Variants in GEMIN5 observed in about 807,000 individuals in gnomAD.
GEMIN5 encodes the protein gem nuclear organelle associated protein 5, also known as gem-associated protein 5.
A neutral mutation model predicts 176.9 loss-of-function variants in GEMIN5; 124 were observed. The ratio of observed to expected loss-of-function variants is 0.70; its 90% CI spans 0.61 to 0.81. GEMIN5 has a LOEUF of 0.81. GEMIN5 is among the 40% of genes least tolerant of loss of function. GEMIN5 has a pLI of 0.00. For synonymous variants in GEMIN5, 673 were observed against 665.2 expected (o/e 1.01, Z -0.18); for missense variants, 1,843 against 1,814.6 (o/e 1.02, Z -0.28).
Position 154,937,054 on chromosome 5 carries a change from T to C in GEMIN5, c.298A>G (p.Thr100Ala), listed in dbSNP as rs761432633. ...TGGAGTGCATGTTCTGTCACAACTG[T>C]TTTTGTCTCTACATCCCATATTTTC... The part of the protein sequence containing the change: ...TVKIWDVETK[T>A]VVTEHALHQH... The change falls in exon 2 of 28, where the codon ACA becomes GCA. Residue 100 changes from threonine to alanine, a missense_variant. Transcript: ENST00000285873. 39 of 1,613,742 alleles carry C rather than the reference T, an allele frequency of 2.4e-5. No individual in the cohort carries two copies. The highest frequency in any genetic ancestry group is 3.2e-5 in the Non-Finnish European group (38 of 1,179,840).
At chr5:154,923,112 G>C (rs1340025790) in intron 9 of GEMIN5, among the ~76,000 whole-genome samples, 3 of 152,088 alleles carry the variant, frequency 2.0e-5, no homozygotes, top group Non-Finnish European at 4.4e-5. Flanking sequence ...GGGCACGGTA[G>C]CTAACATCTG....
At chr5:154,937,306 T>A in intron 1 of GEMIN5, 121 bp from the exon 2 acceptor site, 1 of 786,122 alleles carries the variant, frequency 1.3e-6, no homozygotes, top group Non-Finnish European at 2.0e-6. Context: ...ATGGTATAAC[T>A]GAAACACCGA....
chr5:154,892,821 A>G (rs1257835034), intron 24 of GEMIN5, among the ~76,000 whole-genome samples: 2 of 152,200 alleles, frequency 1.3e-5, no homozygotes, highest in Non-Finnish European at 2.9e-5. Context: ...AAAGTGGGCC[A>G]GGCGCGGTGG....
chr5:154,918,070 G>GA lies in GEMIN5; in HGVS notation c.1600-67dup, dbSNP rs201693545. ...TCACAAATCAGCAATGACAGCATGA[G>GA]AAAAAAAAATCCCTAGAGTTTAAAA... On this transcript the variant is annotated intron_variant, in intron 11 of 27. Coordinates refer to ENST00000285873, the MANE Select transcript of GEMIN5 (RefSeq NM_015465.5). 1.3e-3 allele frequency: 1,214 copies of GA among 960,408 alleles called. 4 individuals carry two copies. Among genetic ancestry groups the GA allele is most frequent in the African/African-American group, 9.8e-3 (593 of 60,576 alleles). 59.5% of individuals were successfully genotyped at this position (960,408 alleles called of 1,614,324 possible). A position where few individuals can be genotyped will look rare whatever the true frequency, so the allele number is the denominator to read the frequency against.
rs1763844974 is a variant in GEMIN5 at position 154,917,911 on chromosome 5, T to C, written c.1673+20A>G. On this transcript the variant is annotated intron_variant, in intron 12 of 27. Transcript: ENST00000285873. ...TATGTGCGATTGCAAATTTTTTATC[T>C]TAAAGAAGCAAATACATACCCATCT... is the stretch of plus-strand genomic sequence containing the variant. 6.5e-7 allele frequency: 1 copy of C among 1,550,128 alleles called. No individual in the cohort carries two copies. The highest frequency in any genetic ancestry group is 1.7e-5 in the Admixed American group (1 of 59,926).
chr5:154,928,402 T>C, intron 6 of GEMIN5, 125 bp downstream of exon 6: 1 of 801,686 alleles, frequency 1.2e-6, no homozygotes, highest in South Asian at 1.7e-5. Flanking sequence ...AGTCTCATAA[T>C]TTTTCCATTT....
chr5:154,899,167 C>T, intron 22 of GEMIN5, 24 bp downstream of exon 22: 2 of 1,589,210 alleles, frequency 1.3e-6, no homozygotes, highest in Non-Finnish European at 8.6e-7. Context: ...ATGTTGGAAG[C>T]ATCCCTCCAC....
chr5:154,930,229 G>C (rs1764133955), intron 5 of GEMIN5, among the ~76,000 whole-genome samples: 1 of 152,152 alleles, frequency 6.6e-6, no homozygotes, highest in Non-Finnish European at 1.5e-5. Context: ...AGTTTAGCCT[G>C]TGCGGTCTAA....
At position 154,912,897 on chromosome 5, in the gene GEMIN5, A is replaced by T. The variant is rs1308412521; in HGVS notation, c.1995+2T>A. On this transcript the variant is annotated splice_donor_variant, in intron 14 of 27. Coordinates refer to ENST00000285873, the MANE Select transcript of GEMIN5 (RefSeq NM_015465.5). LOFTEE classifies it high-confidence loss of function. ...CCCACAGGGACAAGGACACAATAGTACCTGGGCTGTACCATCATAGGAAGC... is the reference window on the plus strand; with the variant it reads ...CCCACAGGGACAAGGACACAATAGTTCCTGGGCTGTACCATCATAGGAAGC... 2.5e-6 allele frequency: 4 copies of T among 1,612,726 alleles called. No homozygotes were observed. The highest frequency in any genetic ancestry group is 3.4e-6 in the Non-Finnish European group (4 of 1,179,178).
Position 154,902,533 on chromosome 5 carries a change from C to A in GEMIN5, c.2866+6G>T, listed in dbSNP as rs765319557. ...GTTGAAAAGAACAAACAAACAAAAACCATACCTGCTGGTGCCATAGCCACA... is the reference window on the plus strand; with the variant it reads ...GTTGAAAAGAACAAACAAACAAAAAACATACCTGCTGGTGCCATAGCCACA... On this transcript the variant is annotated splice_donor_region_variant and intron_variant, in intron 20 of 27. Transcript: ENST00000285873. 2.5e-6 allele frequency: 4 copies of A among 1,613,578 alleles called. No individual in the cohort carries two copies. The African/African-American group carries it at 4.0e-5, about 16-fold the overall frequency.
chr5:154,896,865 AG>A (rs1186162641), intron 23 of GEMIN5, among the ~76,000 whole-genome samples: 1 of 152,226 alleles, frequency 6.6e-6, no homozygotes, highest in Non-Finnish European at 1.5e-5. Context: ...AGCACAGAGA[AG>A]GCCTAGAAAA....
rs755058120 is a variant in GEMIN5 at position 154,927,429 on chromosome 5, CTGTT to C, written c.1032_1035del (p.Thr345ArgfsTer16). The C allele has an allele frequency of 1.9e-6, 3 of 1,594,830 alleles. No homozygotes were observed. The highest frequency in any genetic ancestry group is 2.6e-6 in the Non-Finnish European group (3 of 1,162,446). On this transcript the variant is annotated frameshift_variant, in exon 7 of 28. Coordinates refer to ENST00000285873, the MANE Select transcript of GEMIN5 (RefSeq NM_015465.5). LOFTEE classifies it high-confidence loss of function. ...GAAAGTAATAGCTGTTTGTCATCCT[CTGTT>C]TGTAAAGGACATAAATTAAACACAA...
At chr5:154,906,094 C>T (rs1173477241) in intron 16 of GEMIN5, among the ~76,000 whole-genome samples, 1 of 151,942 alleles carries the variant, frequency 6.6e-6, no homozygotes, top group East Asian at 1.9e-4. Context: ...CTCCTGGGCT[C>T]AGGTGATCCT....
intron 27 of GEMIN5, among the ~76,000 whole-genome samples, chr5:154,888,956 CA>C (rs1763165171): frequency 1.3e-5 from 2 of 151,708 alleles, no homozygotes; most frequent in Non-Finnish European, 2.9e-5. Flanking sequence ...CTCCTGAGTT[CA>C]CGCCATTCTC....
At position 154,892,384 on chromosome 5, in the gene GEMIN5, T is replaced by C. The variant is rs755351084; in HGVS notation, c.3760+3A>G. 1.9e-6 allele frequency: 3 copies of C among 1,612,252 alleles called. No homozygotes were observed. In the African/African-American group the frequency reaches 4.0e-5, roughly 22 times the overall value. ...GTGCCTCAGGCAGCAGGAAGTCACT[T>C]ACCGTCAGGGAGAAAGGCTGAGTAC... is the stretch of plus-strand genomic sequence containing the variant. On this transcript the variant is annotated splice_donor_region_variant and intron_variant, in intron 25 of 27. Coordinates refer to ENST00000285873, the MANE Select transcript of GEMIN5 (RefSeq NM_015465.5).
rs928102158 is a variant in GEMIN5 at position 154,902,476 on chromosome 5, A to G, written c.2866+63T>C. 1.9e-5 allele frequency: 28 copies of G among 1,493,778 alleles called. No homozygotes were observed. The Admixed American group carries it at 2.1e-4, about 11-fold the overall frequency. 92.5% of individuals were successfully genotyped at this position (1,493,778 alleles called of 1,614,324 possible). ...TAAGACTGTGCTAAGAGCCATCTTT[A>G]GTGGACGTATCCTAGAGATGATAGA... is the stretch of plus-strand genomic sequence containing the variant. On this transcript the variant is annotated intron_variant, in intron 20 of 27. Coordinates refer to ENST00000285873, the MANE Select transcript of GEMIN5 (RefSeq NM_015465.5).
Position 154,927,052 on chromosome 5 carries a change from GAA to G in GEMIN5, c.1080+331_1080+332del, listed in dbSNP as rs60191789. Among the ~76,000 whole-genome samples, 128 of 146,776 alleles carry G rather than the reference GAA, an allele frequency of 8.7e-4. 2 individuals carry two copies. Among genetic ancestry groups the G allele is most frequent in the African/African-American group, 3.1e-3 (124 of 39,966 alleles). On this transcript the variant is annotated intron_variant, in intron 7 of 27. Transcript: ENST00000285873. Reference sequence around the variant, plus strand: ...GGAGACAGAGCAAGACTCTGTCTCAGAAAAAAAAAAAACACTAACACTAACAA... The same window carrying G: ...GGAGACAGAGCAAGACTCTGTCTCAGAAAAAAAAAACACTAACACTAACAA...
intron 5 of GEMIN5, 31 bp downstream of exon 5, chr5:154,931,427 G>C: frequency 6.3e-7 from 1 of 1,589,668 alleles, no homozygotes; most frequent in Non-Finnish European, 8.6e-7. Flanking sequence ...GATCAACATA[G>C]GTTACATCAC....
chr5:154,907,256 C>T (rs547805515), intron 16 of GEMIN5, among the ~76,000 whole-genome samples: 7 of 152,196 alleles, frequency 4.6e-5, no homozygotes, highest in Non-Finnish European at 1.0e-4. Flanking sequence ...AATGTGGCTA[C>T]TGATGTCATA....
Sources: gnomAD v4.1 joint callset for allele counts (sites outside exome capture counted in the v4.1 genomes callset) on GRCh38, gnomAD v4.1.1 for gene constraint, MANE v1.5 for transcripts, NCBI Gene and HGNC (gene_info 2026-07-23, HGNC 2026-07-21) for gene names.